SGCD: variants seen among roughly 807,000 people sequenced by gnomAD.
SGCD encodes delta-sarcoglycan.
SGCD carries 18 observed loss-of-function variants against 36.6 expected under a neutral mutation model. The observed-to-expected ratio is 0.49, with a 90% CI of 0.34 to 0.73. The LOEUF (loss-of-function observed/expected upper bound fraction) is 0.73, where lower values mean the gene tolerates loss of function less well. Ranked by LOEUF, SGCD falls within the 30% of genes least tolerant of loss-of-function variation. The probability of loss-of-function intolerance (pLI) is 0.01; values close to 1 mark genes in which losing one functional copy is unlikely to be tolerated. For missense variants in SGCD, 387 were observed against 346.7 expected, an observed-to-expected ratio of 1.12 and a Z score of -0.92; for synonymous variants, 133 against 130.6, an observed-to-expected ratio of 1.02 and a Z score of -0.12.
intron 3 of SGCD, among the ~76,000 whole-genome samples, chr5:156,383,537 A>G (rs1771112233): frequency 6.6e-6 from 1 of 151,942 alleles, no homozygotes; most frequent in Non-Finnish European, 1.5e-5. Flanking sequence ...AAAAAAAAAT[A>G]GGACATTTAC....
chr5:155,832,697 A>T, the SGCD span, among the ~76,000 whole-genome samples: 1 of 151,226 alleles, frequency 6.6e-6, no homozygotes, highest in Non-Finnish European at 1.5e-5. Context: ...AAGATATAAT[A>T]GACATGCAAA....
At chr5:156,346,863 T>C (rs2127718796) in intron 3 of SGCD, among the ~76,000 whole-genome samples, 1 of 152,148 alleles carries the variant, frequency 6.6e-6, no homozygotes, top group African/African-American at 2.4e-5. Flanking sequence ...AGTGGCACAA[T>C]CTCGGCTCAC....
rs117717525 is a variant in SGCD, at chr5:156,603,112, T to C, written c.502+8061T>C. 9.1e-4 allele frequency among the ~76,000 whole-genome samples: 139 copies of C among 152,228 alleles called. 3 individuals carry two copies. In the East Asian group the frequency reaches 0.023, roughly 26 times the overall value. On this transcript the variant is annotated intron_variant, in intron 6 of 8. Transcript: ENST00000337851. ...GAAGACTTTTATTACTGATTAAATT[T>C]CTTTGCTCATTATTGGTCTGTTCCC...
intron 3 of SGCD, among the ~76,000 whole-genome samples, chr5:156,306,347 G>T (rs903698819): frequency 9.2e-5 from 14 of 152,148 alleles, no homozygotes; most frequent in African/African-American, 3.1e-4. Flanking sequence ...CCCTGCACAA[G>T]CTCTCTCTTT....
intron 6 of SGCD, among the ~76,000 whole-genome samples, chr5:156,611,589 T>G (rs563301085): frequency 6.6e-6 from 1 of 152,340 alleles, no homozygotes; most frequent in African/African-American, 2.4e-5. Context: ...GCCTTGGAGT[T>G]GAGTCTAATT....
chr5:156,193,258 A>G (rs1231537931), intron 3 of SGCD, among the ~76,000 whole-genome samples: 1 of 151,850 alleles, frequency 6.6e-6, no homozygotes, highest in African/African-American at 2.4e-5. Flanking sequence ...TGTTGTTCCG[A>G]CCCTGCTTAC....
chr5:156,093,589 C>T (rs953878760), intron 1 of SGCD, among the ~76,000 whole-genome samples: 1 of 152,196 alleles, frequency 6.6e-6, no homozygotes, highest in Non-Finnish European at 1.5e-5. Context: ...TACCAGGATG[C>T]ACATCAGTAA....
intron 7 of SGCD, among the ~76,000 whole-genome samples, chr5:156,729,328 A>G (rs762705617): frequency 3.9e-5 from 6 of 152,214 alleles, no homozygotes; most frequent in Non-Finnish European, 8.8e-5. Flanking sequence ...TGGCATTGAC[A>G]GTAAGGCCTT....
At chr5:156,069,892 A>G (rs1179785195) in intron 1 of SGCD, among the ~76,000 whole-genome samples, 1 of 152,072 alleles carries the variant, frequency 6.6e-6, no homozygotes, top group Non-Finnish European at 1.5e-5. Context: ...CTTTGAAGCA[A>G]TTGTGAATGG....
chr5:156,461,702 A>G (rs1754496355), intron 3 of SGCD, among the ~76,000 whole-genome samples: 1 of 152,096 alleles, frequency 6.6e-6, no homozygotes, highest in Admixed American at 6.6e-5. Context: ...ACATAATTAA[A>G]TCCCAAGTCA....
At chr5:156,448,731 CTTTT>C (rs1158844774) in intron 3 of SGCD, among the ~76,000 whole-genome samples, 2 of 76,052 alleles carry the variant, frequency 2.6e-5, no homozygotes, top group African/African-American at 6.1e-5. Context: ...TTTTCTTTTT[CTTTT>C]TTTTTTTTTT....
chr5:156,241,255 TG>T (rs1765298627), intron 3 of SGCD, among the ~76,000 whole-genome samples: 2 of 143,738 alleles, frequency 1.4e-5, no homozygotes, highest in Non-Finnish European at 3.1e-5. Flanking sequence ...CCAAAACGTG[TG>T]TGTGTGTGTG....
intron 3 of SGCD, among the ~76,000 whole-genome samples, chr5:156,446,938 T>C (rs748249465): frequency 3.9e-5 from 6 of 152,140 alleles, no homozygotes; most frequent in Non-Finnish European, 7.4e-5. Flanking sequence ...TTTCCCAAGG[T>C]CATCCATCAA....
At chr5:156,074,773 C>T (rs776048406) in intron 1 of SGCD, among the ~76,000 whole-genome samples, 1 of 152,100 alleles carries the variant, frequency 6.6e-6, no homozygotes, top group Admixed American at 6.6e-5. Flanking sequence ...CTACTTTGCA[C>T]AATAAAATAG....
At chr5:156,360,585 T>A (rs1769735564) in intron 3 of SGCD, among the ~76,000 whole-genome samples, 1 of 152,120 alleles carries the variant, frequency 6.6e-6, no homozygotes, top group Non-Finnish European at 1.5e-5. Flanking sequence ...CACTTTAACC[T>A]TTATTGCATA....
At position 156,508,601 on chromosome 5, in the gene SGCD, G is replaced by A. The variant is rs1434005237; in HGVS notation, c.193G>A (p.Asp65Asn). 6.3e-7 allele frequency: 1 copy of A among 1,591,380 alleles called. No homozygotes were observed. The change falls in exon 4 of 9, where the codon GAT (aspartate) becomes AAT (asparagine). Residue 65 changes from aspartate (D) to asparagine (N), a missense_variant and splice_region_variant. Physicochemically the swap from Asp to Asn is conservative, Grantham distance 23. Transcript: ENST00000337851. Reference protein sequence around the residue: ...WILKVMNFTIDGMGNLRITEK... With the variant: ...WILKVMNFTINGMGNLRITEK... The stretch of plus-strand genomic sequence containing the variant: ...TTGTTATCTCTGTGTTCTATTTCAG[G>A]ATGGAATGGGAAACCTGAGGATCAC...
At chr5:155,902,732 A>G (rs889772410) in intron 1 of SGCD, among the ~76,000 whole-genome samples, 28 of 152,220 alleles carry the variant, frequency 1.8e-4, no homozygotes, top group South Asian at 2.1e-4. Context: ...AGTGCTTGGT[A>G]TATAGTACAT....
intron 3 of SGCD, among the ~76,000 whole-genome samples, chr5:156,191,011 A>G (rs1298189491): frequency 6.6e-6 from 1 of 152,142 alleles, no homozygotes; most frequent in Non-Finnish European, 1.5e-5. Flanking sequence ...TGAATTAGGC[A>G]AACATGTCAA....
Position 156,558,125 on chromosome 5 carries a change from T to TATATATATATATATATA in SGCD, c.295-31104_295-31103insATATATATATATATAAT, listed in dbSNP as rs56304932. On this transcript the variant is annotated intron_variant, in intron 4 of 8. Coordinates refer to ENST00000337851, the MANE Select transcript of SGCD (RefSeq NM_000337.6). Reference sequence around the variant, plus strand: ...TATATATATATATATATATATATATTATTTAACTCTCTTTTAAAGGCAGTT... The same window carrying TATATATATATATATATA: ...TATATATATATATATATATATATATTATATATATATATATATAATTTAACTCTCTTTTAAAGGCAGTT... 9.6e-3 allele frequency among the ~76,000 whole-genome samples: 1,034 copies of TATATATATATATATATA among 107,486 alleles called. 76 individuals are homozygous for TATATATATATATATATA. Among genetic ancestry groups the TATATATATATATATATA allele is most frequent in the Non-Finnish European group, 0.013 (689 of 53,350 alleles). 70.5% of individuals were successfully genotyped at this position (107,486 alleles called of 152,430 possible).
Sources: gnomAD v4.1 joint callset for allele counts (sites outside exome capture counted in the v4.1 genomes callset) on GRCh38, gnomAD v4.1.1 for gene constraint, MANE v1.5 for transcripts, NCBI Gene and HGNC (gene_info 2026-07-23, HGNC 2026-07-21) for gene names.